SH3BGR: variants seen among roughly 807,000 people sequenced by gnomAD.
SH3BGR encodes SH3 domain-binding glutamic acid-rich protein.
In SH3BGR, 29 loss-of-function variants were observed where a neutral mutation model predicts 24.5. That is an observed-to-expected ratio of 1.18 (90% CI 0.88 to 1.61). The LOEUF is 1.61. Ranked by LOEUF, SH3BGR falls within the 40% of genes most tolerant of loss-of-function variation. The pLI is 0.00. For synonymous variants in SH3BGR, 55 were observed against 65.7 expected, an observed-to-expected ratio of 0.84 and a Z score of 0.79; for missense variants, 162 against 205.8, an observed-to-expected ratio of 0.79 and a Z score of 1.30.
chr21:39,448,177 A>T (rs1431848888), upstream of SH3BGR, among the ~76,000 whole-genome samples: 1 of 152,184 alleles, frequency 6.6e-6, no homozygotes, highest in African/African-American at 2.4e-5. Context: ...AGGATGATTT[A>T]ATCACAAGAC....
At chr21:39,485,889 T>C (rs1045093648) in intron 3 of SH3BGR, among the ~76,000 whole-genome samples, 4 of 151,982 alleles carry the variant, frequency 2.6e-5, no homozygotes, top group South Asian at 4.1e-4. Flanking sequence ...GGGGTTTCAC[T>C]GTGTTAGCCA....
chr21:39,483,157 G>C (rs1319642912), intron 3 of SH3BGR, among the ~76,000 whole-genome samples: 1 of 152,170 alleles, frequency 6.6e-6, no homozygotes, highest in Non-Finnish European at 1.5e-5. Context: ...CGTGTCCAAA[G>C]TTACTATGTC....
At chr21:39,509,854 C>A (rs531141726) in intron 5 of SH3BGR, among the ~76,000 whole-genome samples, 1 of 151,946 alleles carries the variant, frequency 6.6e-6, no homozygotes, top group Non-Finnish European at 1.5e-5. Flanking sequence ...TACTAAGTTA[C>A]GTGTATTGTC....
At chr21:39,510,365 T>TACGCGCACACACAC (rs1555915353) in intron 5 of SH3BGR, among the ~76,000 whole-genome samples, 1 of 115,772 alleles carries the variant, frequency 8.6e-6, no homozygotes, top group Admixed American at 8.6e-5. Flanking sequence ...TGTAGCTACA[T>TACGCGCACACACAC]ACACACACAC....
chr21:39,469,218 C>T (rs2077895799), intron 2 of SH3BGR, among the ~76,000 whole-genome samples: 2 of 150,936 alleles, frequency 1.3e-5, no homozygotes, highest in Non-Finnish European at 2.9e-5. Context: ...TATCAACATC[C>T]CCCCAAGTTT....
At chr21:39,488,539 C>G (rs769107889) in intron 3 of SH3BGR, 9 of 364,508 alleles carry the variant, frequency 2.5e-5, no homozygotes, top group African/African-American at 4.3e-5. Flanking sequence ...CACTTCCTGC[C>G]CATGCTGCAG....
intron 3 of SH3BGR, among the ~76,000 whole-genome samples, chr21:39,478,964 T>G (rs1439406944): frequency 6.6e-6 from 1 of 152,252 alleles, no homozygotes; most frequent in African/African-American, 2.4e-5. Context: ...ACTCATTGCA[T>G]TCTCTGTTTT....
At chr21:39,455,664 G>A (rs1025706063) in intron 1 of SH3BGR, among the ~76,000 whole-genome samples, 7 of 152,328 alleles carry the variant, frequency 4.6e-5, no homozygotes, top group African/African-American at 9.6e-5. Context: ...CCGGGGCACA[G>A]GGGTGCAGCA....
chr21:39,495,213 C>G (rs2078373121), intron 3 of SH3BGR, among the ~76,000 whole-genome samples: 1 of 151,942 alleles, frequency 6.6e-6, no homozygotes, highest in Admixed American at 6.6e-5. Context: ...TTGTTTTTTT[C>G]TCTTGAGAAT....
chr21:39,496,153 A>C (rs1014396345), intron 3 of SH3BGR, among the ~76,000 whole-genome samples: 1 of 152,184 alleles, frequency 6.6e-6, no homozygotes, highest in African/African-American at 2.4e-5. Context: ...TATTGTAATA[A>C]TGTAATAATG....
chr21:39,492,918 CTTCTT>C (rs2078329034), intron 3 of SH3BGR, among the ~76,000 whole-genome samples: 1 of 152,088 alleles, frequency 6.6e-6, no homozygotes, highest in African/African-American at 2.4e-5. Context: ...ATTTGTATAT[CTTCTT>C]TTGAGAATTG....
chr21:39,451,253 C>G (rs1373294666), upstream of SH3BGR, among the ~76,000 whole-genome samples: 1 of 152,004 alleles, frequency 6.6e-6, no homozygotes, highest in Non-Finnish European at 1.5e-5. Flanking sequence ...TGGTTTTTTC[C>G]CCAAGCACTT....
chr21:39,493,125 A>G (rs2078332493), intron 3 of SH3BGR, among the ~76,000 whole-genome samples: 1 of 152,132 alleles, frequency 6.6e-6, no homozygotes, highest in Admixed American at 6.6e-5. Context: ...AGTTTAATTC[A>G]GTCCCAGCTA....
At chr21:39,506,101 C>T (rs767700133) in intron 4 of SH3BGR, among the ~76,000 whole-genome samples, 22 of 152,322 alleles carry the variant, frequency 1.4e-4, no homozygotes, top group Middle Eastern at 3.4e-3. Flanking sequence ...ATTTATCGAG[C>T]TTGCCTGTTG....
chr21:39,485,786 C>G (rs951265761), intron 3 of SH3BGR, among the ~76,000 whole-genome samples: 4 of 150,070 alleles, frequency 2.7e-5, no homozygotes, highest in African/African-American at 9.8e-5. Context: ...CTCCAGGGTT[C>G]ACGCCATTCT....
chr21:39,458,393 C>T (rs1192607199), intron 1 of SH3BGR, among the ~76,000 whole-genome samples: 2 of 152,018 alleles, frequency 1.3e-5, no homozygotes, highest in Admixed American at 1.3e-4. Context: ...GGCCAGAGTA[C>T]AGTGGTGCAA....
chr21:39,454,564 G>A (rs2077624747), intron 1 of SH3BGR, among the ~76,000 whole-genome samples: 1 of 152,166 alleles, frequency 6.6e-6, no homozygotes, highest in South Asian at 2.1e-4. Flanking sequence ...CCACAGTGGG[G>A]CAGGGGGGAC....
chr21:39,497,455 T>A (rs1356299478), intron 3 of SH3BGR, among the ~76,000 whole-genome samples: 1 of 151,690 alleles, frequency 6.6e-6, no homozygotes, highest in South Asian at 2.1e-4. Context: ...TTAGATAAAT[T>A]TGCCCATAAA....
intron 4 of SH3BGR, among the ~76,000 whole-genome samples, chr21:39,508,026 G>A (rs2078613167): frequency 1.3e-5 from 2 of 152,228 alleles, no homozygotes; most frequent in South Asian, 4.1e-4. Context: ...AGTCCTGATT[G>A]TGTTGACTCC....
Sources: gnomAD v4.1 joint callset for allele counts (sites outside exome capture counted in the v4.1 genomes callset) on GRCh38, gnomAD v4.1.1 for gene constraint, MANE v1.5 for transcripts, NCBI Gene and HGNC (gene_info 2026-07-23, HGNC 2026-07-21) for gene names.